The following LRBA variants were observed in gnomAD, a reference collection of about 807,000 sequenced individuals.
The protein encoded by LRBA is lipopolysaccharide-responsive and beige-like anchor protein.
LRBA carries 176 observed loss-of-function variants against 330.0 expected under a neutral mutation model. That is an observed-to-expected ratio of 0.53 (90% CI 0.47 to 0.60). The LOEUF (loss-of-function observed/expected upper bound fraction) is 0.60. Among genes scored for constraint, LRBA ranks in the 20% least tolerant of loss-of-function variants. LRBA has a pLI of 0.00. For missense variants in LRBA, 3,259 were observed against 3,444.8 expected (o/e 0.95, Z 1.35); for synonymous variants, 1,230 against 1,193.0 (o/e 1.03, Z -0.64).
intron 40 of LRBA, chr4:150,584,020 C>T (rs1771762665): frequency 1.2e-6 from 2 of 1,613,588 alleles, no homozygotes; most frequent in Non-Finnish European, 1.7e-6. Context: ...TCAGGGCAAG[C>T]CCCATTCGGC....
At chr4:150,450,167 A>G (rs1249537270) in intron 44 of LRBA, among the ~76,000 whole-genome samples, 1 of 152,240 alleles carries the variant, frequency 6.6e-6, no homozygotes, top group Non-Finnish European at 1.5e-5. Context: ...ATTTCAGAAC[A>G]TGAAATATTA....
At chr4:150,289,856 T>C (rs1209719834) in intron 53 of LRBA, among the ~76,000 whole-genome samples, 2 of 152,242 alleles carry the variant, frequency 1.3e-5, no homozygotes, top group East Asian at 1.9e-4. Flanking sequence ...GATTTAAATC[T>C]AACAGGTCAA....
chr4:150,987,628 C>T (rs193221387), intron 2 of LRBA, among the ~76,000 whole-genome samples: 1 of 152,124 alleles, frequency 6.6e-6, no homozygotes, highest in Admixed American at 6.5e-5. Flanking sequence ...ATCGCTTGAA[C>T]CTGGGAGACA....
intron 37 of LRBA, among the ~76,000 whole-genome samples, chr4:150,603,603 C>A (rs184803738): frequency 6.6e-6 from 1 of 152,250 alleles, no homozygotes; most frequent in East Asian, 1.9e-4. Context: ...AAAAGATTCT[C>A]CTGCCTCATC....
At chr4:150,985,281 T>G (rs935455508) in intron 2 of LRBA, among the ~76,000 whole-genome samples, 2 of 151,400 alleles carry the variant, frequency 1.3e-5, no homozygotes, top group African/African-American at 2.4e-5. Context: ...AAGCTTATAT[T>G]TTAAATTAAA....
chr4:150,396,284 C>A (rs959641153), intron 47 of LRBA, among the ~76,000 whole-genome samples: 1 of 152,254 alleles, frequency 6.6e-6, no homozygotes, highest in East Asian at 1.9e-4. Context: ...GGGACTTACA[C>A]CAGTGCCCTA....
chr4:150,790,181 G>T (rs928334269), intron 34 of LRBA, among the ~76,000 whole-genome samples: 1 of 152,160 alleles, frequency 6.6e-6, no homozygotes, highest in Non-Finnish European at 1.5e-5. Context: ...AATGTTCAAA[G>T]ATCTAGTTAT....
At chr4:150,836,575 A>C (rs1560890674) in intron 28 of LRBA, among the ~76,000 whole-genome samples, 2 of 152,072 alleles carry the variant, frequency 1.3e-5, no homozygotes, top group Non-Finnish European at 2.9e-5. Flanking sequence ...TTTCTAATTT[A>C]TTTGCATAGA....
chr4:150,438,905 TA>T (rs1751477429), intron 44 of LRBA, among the ~76,000 whole-genome samples: 2 of 152,300 alleles, frequency 1.3e-5, no homozygotes, highest in South Asian at 4.1e-4. Context: ...TAAAAATCTT[TA>T]ATTACCATTT....
chr4:150,951,427 G>A (rs1021488392), intron 2 of LRBA, among the ~76,000 whole-genome samples: 1 of 151,222 alleles, frequency 6.6e-6, no homozygotes, highest in African/African-American at 2.4e-5. Context: ...AAATAAAAGT[G>A]ACACATTCCA....
intron 40 of LRBA, among the ~76,000 whole-genome samples, chr4:150,507,256 G>A (rs1305774028): frequency 1.3e-5 from 2 of 152,090 alleles, no homozygotes; most frequent in African/African-American, 4.8e-5. Context: ...TCAAAAAAGA[G>A]CCCGCATTGC....
intron 36 of LRBA, among the ~76,000 whole-genome samples, chr4:150,694,436 C>A (rs1784425133): frequency 1.0e-5 from 1 of 100,480 alleles, no homozygotes; most frequent in African/African-American, 3.8e-5. Flanking sequence ...TGTACTTGAT[C>A]CCTTACCTTA....
chr4:150,983,577 C>A (rs1305181373), intron 2 of LRBA, among the ~76,000 whole-genome samples: 4 of 151,624 alleles, frequency 2.6e-5, no homozygotes, highest in Admixed American at 6.6e-5. Flanking sequence ...CTCAGCCTCC[C>A]GAGTAGCTGG....
chr4:150,560,491 A>C (rs556114381), intron 40 of LRBA, among the ~76,000 whole-genome samples: 1 of 152,294 alleles, frequency 6.6e-6, no homozygotes, highest in African/African-American at 2.4e-5. Context: ...AAGACTCTAA[A>C]GCTAACTGGA....
At chr4:150,909,178 ATAAT>A (rs1424558632) in intron 9 of LRBA, among the ~76,000 whole-genome samples, 1 of 152,198 alleles carries the variant, frequency 6.6e-6, no homozygotes, top group Admixed American at 6.5e-5. Context: ...TTTTAAGTGT[ATAAT>A]TGAGAAACAT....
intron 37 of LRBA, among the ~76,000 whole-genome samples, chr4:150,603,415 T>G (rs984335851): frequency 6.6e-6 from 1 of 152,238 alleles, no homozygotes; most frequent in African/African-American, 2.4e-5. Flanking sequence ...GTTATGTGTT[T>G]GTATACACAC....
chr4:150,897,775 T>G lies in LRBA; in HGVS notation c.1968A>C (p.Ala656=). 6.2e-7 allele frequency: 1 copy of G among 1,612,478 alleles called. No individual in the cohort carries two copies. The highest frequency in any genetic ancestry group is 8.5e-7 in the Non-Finnish European group (1 of 1,178,916). ...ATTGCTTAATGAACATCAACAAGAA[T>G]GCTCGTAGAGAAAGCATTTCTTTTT... The part of the protein sequence containing the change: ...PNQKEMLSLR[A]FLLMFIKQLV... The change falls in exon 15 of 57, where the codon GCA becomes GCC. Residue 656 remains alanine (A), a synonymous_variant. Transcript: ENST00000651943.
intron 47 of LRBA, among the ~76,000 whole-genome samples, chr4:150,392,731 G>A (rs1303839394): frequency 4.0e-5 from 6 of 151,432 alleles, no homozygotes; most frequent in Non-Finnish European, 8.8e-5. Flanking sequence ...TTGGGGCTGA[G>A]AATATGGGGT....
intron 36 of LRBA, among the ~76,000 whole-genome samples, chr4:150,707,420 A>G (rs1244557024): frequency 6.6e-6 from 1 of 151,718 alleles, no homozygotes; most frequent in Admixed American, 6.6e-5. Flanking sequence ...GATGAAACTA[A>G]TAAAAGATTC....
Sources: gnomAD v4.1 joint callset for allele counts (sites outside exome capture counted in the v4.1 genomes callset) on GRCh38, gnomAD v4.1.1 for gene constraint, MANE v1.5 for transcripts, NCBI Gene and HGNC (gene_info 2026-07-23, HGNC 2026-07-21) for gene names.